Variants in CR1 observed in about 807,000 individuals in gnomAD.
The protein encoded by CR1 is complement receptor type 1.
A neutral mutation model predicts 187.3 loss-of-function variants in CR1; 116 were observed. That is an observed-to-expected ratio of 0.62 (90% CI 0.53 to 0.72). CR1 has a LOEUF of 0.72. CR1 is among the 30% of genes least tolerant of loss of function. The probability of loss-of-function intolerance (pLI) is 0.00; values close to 1 mark genes in which losing one functional copy is unlikely to be tolerated. For synonymous variants in CR1, 576 were observed against 747.1 expected (o/e 0.77, Z 3.73); for missense variants, 1,731 against 2,110.7 (o/e 0.82, Z 3.52).
At chr1:207,496,517 G>A in intron 1 of CR1, 129 bp downstream of exon 1, 2 of 923,320 alleles carry the variant, frequency 2.2e-6, no homozygotes, top group South Asian at 1.9e-5. Flanking sequence ...CGATGGGTGG[G>A]CTGAGCGCGC....
chr1:207,496,472 T>A, intron 1 of CR1, 84 bp downstream of exon 1: 1 of 1,321,782 alleles, frequency 7.6e-7, no homozygotes, highest in East Asian at 2.7e-5. Context: ...AGCGCTGAGC[T>A]GCGCTGCTCT....
intron 24 of CR1, among the ~76,000 whole-genome samples, chr1:207,566,704 A>T (rs6664902): frequency 0.35 from 52,160 of 148,878 alleles, 14,041 homozygotes; most frequent in African/African-American, 0.71. Context: ...TCATTTTTTT[A>T]AAATGAGCCT....
rs113926236 is a variant in CR1, at chr1:207,589,025, C to T, written c.5810+251C>T. ...CCTGTCAAAGGTGGTACATGTGAAACCTGGTCAGGCATTCATTGGATGAAA... is the reference window on the plus strand; with the variant it reads ...CCTGTCAAAGGTGGTACATGTGAAATCTGGTCAGGCATTCATTGGATGAAA... On this transcript the variant is annotated intron_variant, in intron 35 of 46. Transcript: ENST00000367049. Among the ~76,000 whole-genome samples, 354 of 152,246 alleles carry T rather than the reference C, an allele frequency of 2.3e-3. 1 individual carries two copies. The highest frequency in any genetic ancestry group is 8.2e-3 in the African/African-American group (341 of 41,540).
chr1:207,524,834 T>C (rs1310181617), intron 5 of CR1, among the ~76,000 whole-genome samples: 1 of 151,862 alleles, frequency 6.6e-6, no homozygotes, highest in African/African-American at 2.4e-5. Flanking sequence ...CAAAACTTAC[T>C]CTAGATACTT....
At chr1:207,578,665 G>A (rs1660842955) in intron 29 of CR1, among the ~76,000 whole-genome samples, 1 of 152,188 alleles carries the variant, frequency 6.6e-6, no homozygotes, top group Non-Finnish European at 1.5e-5. Context: ...CATGTTCTAA[G>A]CGAGACACCC....
At chr1:207,582,842 C>A (rs114462179) in intron 32 of CR1, among the ~76,000 whole-genome samples, 1 of 152,130 alleles carries the variant, frequency 6.6e-6, no homozygotes, top group African/African-American at 2.4e-5. Flanking sequence ...CCAGAGCAAC[C>A]GCCAGGGTAG....
chr1:207,513,805 T>TTCCTTCCC, intron 4 of CR1, among the ~76,000 whole-genome samples: 1 of 133,902 alleles, frequency 7.5e-6, no homozygotes, highest in East Asian at 2.6e-4. Flanking sequence ...CCTTCCTTCC[T>TTCCTTCCC]TCCCTCTTTC....
intron 35 of CR1, among the ~76,000 whole-genome samples, chr1:207,599,296 G>A (rs1661538301): frequency 6.6e-6 from 1 of 152,140 alleles, no homozygotes; most frequent in Admixed American, 6.5e-5. Flanking sequence ...GCAAATTAAA[G>A]CAACAATATG....
In CR1 at chr1:207,611,734, AC is replaced by A; in HGVS notation, c.6354del (p.Ser2120HisfsTer39). On this transcript the variant is annotated frameshift_variant, in exon 38 of 47. Transcript: ENST00000367049. LOFTEE classifies it high-confidence loss of function. ...GAGCATACCCTAAGCCATCAGGACA[AC>A]TTTTCACCTGGGCAGGAAGTGTTCT... Reference protein sequence around the residue: ...HGEHTLSHQDNFSPGQEVFYS... With the variant: ...HGEHTLSHQDXFSPGQEVFYS... 2 of 1,613,908 alleles carry A rather than the reference AC, an allele frequency of 1.2e-6. No homozygotes were observed. The highest frequency in any genetic ancestry group is 1.1e-5 in the South Asian group (1 of 91,074).
Position 207,505,886 on chromosome 1 carries a change from T to C in CR1, c.122-18T>C. 6.2e-7 allele frequency: 1 copy of C among 1,601,290 alleles called. No homozygotes were observed. Among genetic ancestry groups the C allele is most frequent in the South Asian group, 1.1e-5 (1 of 88,788 alleles). On this transcript the variant is annotated intron_variant, in intron 1 of 46. Transcript: ENST00000367049. ...ATTTCTCCATTAACTTTGATGCTTC[T>C]ATGGTCTTGATCTCCAGGTCAATGC...
intron 45 of CR1, among the ~76,000 whole-genome samples, chr1:207,623,820 A>G (rs1392404643): frequency 1.3e-5 from 2 of 151,766 alleles, no homozygotes; most frequent in African/African-American, 4.8e-5. Flanking sequence ...CACACATATC[A>G]TATGGCACAC....
At chr1:207,523,223 T>C (rs1213431915) in intron 4 of CR1, among the ~76,000 whole-genome samples, 7 of 152,222 alleles carry the variant, frequency 4.6e-5, no homozygotes, top group African/African-American at 1.7e-4. Flanking sequence ...TACTTTATCT[T>C]TTAGCAAATG....
At position 207,578,010 on chromosome 1, in the gene CR1, G is replaced by A. The variant is rs1259840716; in HGVS notation, c.4743G>A (p.Gln1581=). The A allele has an allele frequency of 2.5e-6, 4 of 1,611,790 alleles. No individual in the cohort carries two copies. The highest frequency in any genetic ancestry group is 1.3e-5 in the African/African-American group (1 of 74,940). The change falls in exon 29 of 47, where the codon CAG becomes CAA. Residue 1581 remains glutamine, a synonymous_variant. Coordinates refer to ENST00000367049, the MANE Select transcript of CR1 (RefSeq NM_000651.6). Reference sequence around the variant, plus strand: ...GCATCTGGAGCGGCCCCGCCCCTCAGTGCATTATACCTAACAAATGCACGC... The same window carrying A: ...GCATCTGGAGCGGCCCCGCCCCTCAATGCATTATACCTAACAAATGCACGC... ...QVGIWSGPAP[Q]CIIPNKCTPP... is the part of the protein sequence containing the mutation.
At chr1:207,589,935 G>T (rs1034629626) in intron 35 of CR1, among the ~76,000 whole-genome samples, 1 of 152,128 alleles carries the variant, frequency 6.6e-6, no homozygotes, top group African/African-American at 2.4e-5. Flanking sequence ...AATGAACAAA[G>T]CCTCCAAGAA....
intron 1 of CR1, among the ~76,000 whole-genome samples, chr1:207,503,564 C>T (rs1234634219): frequency 6.6e-6 from 1 of 152,158 alleles, no homozygotes; most frequent in Admixed American, 6.5e-5. Context: ...AAACCAGCAC[C>T]ATAGTGTCTC....
intron 24 of CR1, among the ~76,000 whole-genome samples, chr1:207,567,580 A>C (rs1321953486): frequency 2.0e-5 from 3 of 150,330 alleles, no homozygotes; most frequent in African/African-American, 7.6e-5. Flanking sequence ...TACTTCATTA[A>C]AGTTGTAAAG....
At chr1:207,567,077 A>G (rs1660523938) in intron 24 of CR1, among the ~76,000 whole-genome samples, 1 of 150,330 alleles carries the variant, frequency 6.7e-6, no homozygotes, top group South Asian at 2.1e-4. Flanking sequence ...TAGTTAAAAT[A>G]GTTTCTTCCA....
intron 4 of CR1, among the ~76,000 whole-genome samples, chr1:207,515,967 C>G (rs1379625115): frequency 6.6e-6 from 1 of 152,134 alleles, no homozygotes; most frequent in East Asian, 1.9e-4. Flanking sequence ...ATAATCCCAG[C>G]ATTTTGGAAG....
In CR1 at chr1:207,580,499, T is replaced by C; in HGVS notation, c.5114-12T>C. The C allele has an allele frequency of 6.3e-7, 1 of 1,590,530 alleles. No homozygotes were observed. Among genetic ancestry groups the C allele is most frequent in the Non-Finnish European group, 8.5e-7 (1 of 1,173,404 alleles). On this transcript the variant is annotated splice_polypyrimidine_tract_variant and intron_variant, in intron 30 of 46. Coordinates refer to ENST00000367049, the MANE Select transcript of CR1 (RefSeq NM_000651.6). ...CTCCTATTTTTTCTTTTTTTTTTTTTTCTTCTTCTAGTGAAATCCTGTGAT... is the reference window on the plus strand; with the variant it reads ...CTCCTATTTTTTCTTTTTTTTTTTTCTCTTCTTCTAGTGAAATCCTGTGAT...
Sources: gnomAD v4.1 joint callset for allele counts (sites outside exome capture counted in the v4.1 genomes callset) on GRCh38, gnomAD v4.1.1 for gene constraint, MANE v1.5 for transcripts, NCBI Gene and HGNC (gene_info 2026-07-23, HGNC 2026-07-21) for gene names.